The following INSL6 variants were observed in gnomAD, a reference collection of about 807,000 sequenced individuals.
INSL6 encodes the protein insulin-like peptide INSL6.
A neutral mutation model predicts 9.4 loss-of-function variants in INSL6; 16 were observed. That is an observed-to-expected ratio of 1.70 (90% CI 1.15 to 2.59). INSL6 has a LOEUF of 2.59. Ranked by LOEUF, INSL6 falls within the 30% of genes most tolerant of loss-of-function variation. The pLI is 0.00. For synonymous variants in INSL6, 154 were observed against 96.9 expected (o/e 1.59, Z -3.46); for missense variants, 391 against 257.3 (o/e 1.52, Z -3.56).
intron 2 of INSL6, among the ~76,000 whole-genome samples, chr9:5,157,237 T>C (rs757684157): frequency 3.9e-5 from 6 of 152,084 alleles, no homozygotes; most frequent in South Asian, 4.1e-4. Flanking sequence ...TTGTAAAAAA[T>C]AGTAAACTGT....
intron 1 of INSL6, among the ~76,000 whole-genome samples, chr9:5,180,446 G>C (rs1355760549): frequency 6.6e-6 from 1 of 152,156 alleles, no homozygotes; most frequent in Admixed American, 6.5e-5. Context: ...AAACGGATGT[G>C]CAAGTAGGGA....
chr9:5,182,621 G>A (rs542741992), intron 1 of INSL6, among the ~76,000 whole-genome samples: 2 of 152,088 alleles, frequency 1.3e-5, no homozygotes, highest in South Asian at 2.1e-4. Context: ...TTACAGACTA[G>A]TTGTGATGAT....
the INSL6 span, chr9:5,085,132 C>T: frequency 3.3e-3 from 2,147 of 647,292 alleles, 14 homozygotes; most frequent in Non-Finnish European, 3.3e-3. Context: ...TACACCATCA[C>T]TCTGTAATAC....
the INSL6 span, among the ~76,000 whole-genome samples, chr9:5,035,582 T>C: frequency 1.3e-5 from 2 of 152,116 alleles, no homozygotes; most frequent in Non-Finnish European, 2.9e-5. Context: ...GTTCAACATA[T>C]GCAAATCAAT....
In INSL6 at chr9:5,164,229, T is replaced by C. The variant is rs1564049595; in HGVS notation, c.326A>G (p.Glu109Gly). The change falls in exon 2 of 2, where the codon GAA (glutamate) becomes GGA (glycine). Residue 109 changes from glutamate (E) to glycine (G), a missense_variant. Transcript: ENST00000381641. ...TSWEEAVNSW[E>G]MQSLPEYKDK... The stretch of plus-strand genomic sequence containing the variant: ...CTTATACTCAGGTAGTGACTGCATT[T>C]CCCAACTGTTTACTGCTTCTTCCCA... The C allele has an allele frequency of 1.2e-6, 2 of 1,606,958 alleles. No individual in the cohort carries two copies. The highest frequency in any genetic ancestry group is 1.7e-6 in the Non-Finnish European group (2 of 1,177,530).
At chr9:5,148,651 G>T (rs926890369) in intron 2 of INSL6, among the ~76,000 whole-genome samples, 1 of 152,194 alleles carries the variant, frequency 6.6e-6, no homozygotes, top group African/African-American at 2.4e-5. Flanking sequence ...TTTCCTGAGA[G>T]TGTGGGCTCC....
At chr9:5,060,784 T>TG in the INSL6 span, among the ~76,000 whole-genome samples, 1 of 152,250 alleles carries the variant, frequency 6.6e-6, no homozygotes, top group Non-Finnish European at 1.5e-5. Flanking sequence ...GCATCAAGAA[T>TG]GGTGAATCCT....
At chr9:5,070,095 AAAC>A in the INSL6 span, 4 of 1,410,836 alleles carry the variant, frequency 2.8e-6, no homozygotes, top group East Asian at 2.4e-5. Flanking sequence ...TGTCCTTTTA[AAAC>A]AACATCTGTT....
At chr9:5,050,860 T>G in the INSL6 span, 1 of 1,562,408 alleles carries the variant, frequency 6.4e-7, no homozygotes, top group South Asian at 1.1e-5. Flanking sequence ...TCCTTACACA[T>G]AAGTGTGAGT....
chr9:5,011,331 ACAGAGCAC>A, the INSL6 span, among the ~76,000 whole-genome samples: 1 of 152,096 alleles, frequency 6.6e-6, no homozygotes, highest in Non-Finnish European at 1.5e-5. Context: ...GACTACGGGC[ACAGAGCAC>A]CATGCCCAGC....
chr9:5,044,818 G>T, the INSL6 span, among the ~76,000 whole-genome samples: 2 of 152,124 alleles, frequency 1.3e-5, no homozygotes, highest in Admixed American at 1.3e-4. Context: ...TTTACAACAT[G>T]ATTCATGTAG....
At chr9:5,101,603 AAGTGG>A in the INSL6 span, among the ~76,000 whole-genome samples, 1 of 152,234 alleles carries the variant, frequency 6.6e-6, no homozygotes, top group African/African-American at 2.4e-5. Flanking sequence ...TCTGTAGCCT[AAGTGG>A]GAGACACCTC....
intron 1 of INSL6, among the ~76,000 whole-genome samples, chr9:5,179,477 C>G (rs1370174917): frequency 6.6e-6 from 1 of 150,772 alleles, no homozygotes; most frequent in Non-Finnish European, 1.5e-5. Flanking sequence ...CCATTTGACC[C>G]AGCAATCCAT....
chr9:5,173,422 T>C (rs1341966079), intron 1 of INSL6, among the ~76,000 whole-genome samples: 4 of 152,142 alleles, frequency 2.6e-5, no homozygotes, highest in South Asian at 2.1e-4. Flanking sequence ...TGGAATACTA[T>C]GTAGCCATAA....
At chr9:5,166,502 A>G (rs1329613255) in intron 1 of INSL6, among the ~76,000 whole-genome samples, 1 of 152,206 alleles carries the variant, frequency 6.6e-6, no homozygotes, top group Non-Finnish European at 1.5e-5. Context: ...AAAAAAAGAA[A>G]TAAGTAAATA....
At chr9:5,161,245 G>A (rs563145124), downstream of INSL6, among the ~76,000 whole-genome samples, 1 of 152,106 alleles carries the variant, frequency 6.6e-6, no homozygotes, top group Non-Finnish European at 1.5e-5. Flanking sequence ...CATGACCAAG[G>A]AGTATTTATT....
chr9:5,066,464 A>G, the INSL6 span, among the ~76,000 whole-genome samples: 19 of 152,240 alleles, frequency 1.2e-4, no homozygotes, highest in South Asian at 3.3e-3. Flanking sequence ...ATTGGTTTTT[A>G]AAGCTATATA....
chr9:5,130,889 C>G (rs901007248), intron 3 of INSL6, among the ~76,000 whole-genome samples: 1 of 150,332 alleles, frequency 6.7e-6, no homozygotes, highest in African/African-American at 2.5e-5. Flanking sequence ...CCACTACACC[C>G]GGCTAATTTT....
At chr9:5,095,494 A>G in the INSL6 span, among the ~76,000 whole-genome samples, 1,534 of 152,240 alleles carry the variant, frequency 0.01, 19 homozygotes, top group African/African-American at 0.035. Flanking sequence ...AATAAACACT[A>G]CTAATCAATT....
Sources: allele counts gnomAD v4.1 joint callset (sites outside exome capture counted in the v4.1 genomes callset), GRCh38; gene constraint gnomAD v4.1.1; transcripts MANE v1.5; gene names NCBI Gene and HGNC (gene_info 2026-07-23, HGNC 2026-07-21).